Variants in MYO5B observed in about 807,000 individuals in gnomAD.
MYO5B encodes the protein unconventional myosin-Vb.
A neutral mutation model predicts 229.3 loss-of-function variants in MYO5B; 143 were observed. The observed-to-expected ratio is 0.62, with a 90% CI of 0.54 to 0.72. The LOEUF (loss-of-function observed/expected upper bound fraction) is 0.72. MYO5B is among the 30% of genes least tolerant of loss of function. The pLI, the probability that MYO5B is intolerant of heterozygous loss-of-function variation, is 0.00. For missense variants in MYO5B, 2,321 were observed against 2,331.0 expected (o/e 1.00, Z 0.09); for synonymous variants, 918 against 885.2 (o/e 1.04, Z -0.66).
At chr18:50,169,982 G>T (rs1315003218) in intron 1 of MYO5B, among the ~76,000 whole-genome samples, 1 of 127,120 alleles carries the variant, frequency 7.9e-6, no homozygotes, top group African/African-American at 3.0e-5. Flanking sequence ...TAAACTCTTT[G>T]ATTGTCGATG....
chr18:50,100,557 T>C (rs1477124787), intron 1 of MYO5B, among the ~76,000 whole-genome samples: 1 of 152,066 alleles, frequency 6.6e-6, no homozygotes, highest in East Asian at 1.9e-4. Flanking sequence ...CCCTCCCCAC[T>C]TTCTACTTCT....
chr18:50,171,921 T>G (rs1342066221), intron 1 of MYO5B, among the ~76,000 whole-genome samples: 1 of 129,810 alleles, frequency 7.7e-6, no homozygotes, highest in Non-Finnish European at 1.7e-5. Context: ...TCTGCAGCAA[T>G]GGATCTTCTT....
intron 17 of MYO5B, among the ~76,000 whole-genome samples, chr18:49,924,268 A>G (rs2025105992): frequency 6.6e-6 from 1 of 152,218 alleles, no homozygotes; most frequent in South Asian, 2.1e-4. Flanking sequence ...CCCAATAAGT[A>G]ATAAATATCT....
In MYO5B at chr18:49,832,775, T is replaced by G. The variant is rs568147738; in HGVS notation, c.5394+2569A>C. On this transcript the variant is annotated intron_variant, in intron 39 of 39. Transcript: ENST00000285039. ...ATTTTAATCATTTGAAAAAGTGGTT[T>G]GAAATAATGGGAGAGAAGTTTAAAG... Among the ~76,000 whole-genome samples, 15 of 152,302 alleles carry G rather than the reference T, an allele frequency of 9.8e-5. No homozygotes were observed. In the South Asian group the frequency reaches 1.7e-3, roughly 17 times the overall value.
chr18:50,139,464 T>C (rs1359999998), intron 1 of MYO5B, among the ~76,000 whole-genome samples: 1 of 152,352 alleles, frequency 6.6e-6, no homozygotes, highest in East Asian at 1.9e-4. Context: ...TACAAGAGTC[T>C]TGGCTTTTGA....
At chr18:49,937,508 G>A (rs1415034430) in intron 14 of MYO5B, 111 bp from the exon 15 acceptor site, 29 of 1,274,920 alleles carry the variant, frequency 2.3e-5, no homozygotes, top group Middle Eastern at 1.8e-4. Flanking sequence ...ACACATCCAC[G>A]CCAAAACCCA....
intron 1 of MYO5B, among the ~76,000 whole-genome samples, chr18:50,161,559 AC>A (rs1310071114): frequency 6.6e-6 from 1 of 152,118 alleles, no homozygotes; most frequent in Admixed American, 6.5e-5. Flanking sequence ...CACTGCTCTT[AC>A]CACATTCTCT....
intron 5 of MYO5B, among the ~76,000 whole-genome samples, chr18:49,999,729 C>A (rs1318564885): frequency 6.6e-6 from 1 of 152,158 alleles, no homozygotes; most frequent in Non-Finnish European, 1.5e-5. Flanking sequence ...GTGTGGTACC[C>A]AGACGGGCAA....
chr18:49,841,731 T>C (rs1347059151), intron 34 of MYO5B, among the ~76,000 whole-genome samples: 6 of 152,212 alleles, frequency 3.9e-5, no homozygotes, highest in Non-Finnish European at 2.9e-5. Flanking sequence ...CTGCCTTCCA[T>C]GGCTGAAGAA....
At chr18:49,947,596 G>C (rs978536913) in intron 14 of MYO5B, among the ~76,000 whole-genome samples, 1 of 152,168 alleles carries the variant, frequency 6.6e-6, no homozygotes, top group East Asian at 1.9e-4. Flanking sequence ...TGTGTTTAGA[G>C]TTATTAAGCA....
chr18:49,849,851 G>A (rs1318127978), intron 31 of MYO5B, 191 bp from the exon 32 acceptor site: 2 of 640,580 alleles, frequency 3.1e-6, no homozygotes, highest in South Asian at 3.4e-5. Flanking sequence ...TCAGGAAGTG[G>A]GAGATGATGA....
At chr18:50,049,233 T>C (rs948490906) in intron 2 of MYO5B, among the ~76,000 whole-genome samples, 1 of 152,218 alleles carries the variant, frequency 6.6e-6, no homozygotes, top group African/African-American at 2.4e-5. Flanking sequence ...TACAGATATG[T>C]CATTTTTACT....
chr18:50,074,319 T>C (rs2031027355), intron 1 of MYO5B, among the ~76,000 whole-genome samples: 1 of 152,170 alleles, frequency 6.6e-6, no homozygotes, highest in Non-Finnish European at 1.5e-5. Context: ...TTCTGGGAGA[T>C]ACAATTCAAG....
chr18:49,965,842 G>GT (rs1266155499), intron 10 of MYO5B, among the ~76,000 whole-genome samples: 10 of 152,172 alleles, frequency 6.6e-5, no homozygotes, highest in African/African-American at 2.4e-4. Context: ...CTAGAAGGAG[G>GT]TATTTGAGCT....
chr18:50,150,692 G>A (rs144315974), intron 1 of MYO5B, among the ~76,000 whole-genome samples: 28 of 152,332 alleles, frequency 1.8e-4, no homozygotes, highest in Non-Finnish European at 3.2e-4. Context: ...GTGGGATTGG[G>A]GGAGTGGGGA....
intron 16 of MYO5B, among the ~76,000 whole-genome samples, chr18:49,931,543 G>A (rs1051398009): frequency 4.6e-5 from 7 of 152,158 alleles, no homozygotes; most frequent in African/African-American, 1.2e-4. Flanking sequence ...GCCCCTTAGT[G>A]CGAGGGCCTT....
At position 50,195,088 on chromosome 18, in the gene MYO5B, C is replaced by G. The variant is rs1219221905; in HGVS notation, c.-295G>C. ...CCAGGTGTGGGGAGGAGGCGAGGGC[C>G]GGCGAGGAGGGAGGACCCGCTCGCG... is the stretch of plus-strand genomic sequence containing the variant. On this transcript the variant is annotated 5_prime_UTR_variant, in exon 1 of 40. Transcript: ENST00000285039. The G allele has an allele frequency of 3.5e-6, 1 of 283,248 alleles. No homozygotes were observed. Among genetic ancestry groups the G allele is most frequent in the Non-Finnish European group, 6.5e-6 (1 of 153,366 alleles). The allele number at this position is 283,248 out of a possible 1,614,324, so 17.5% of individuals were successfully genotyped here. A position where few individuals can be genotyped will look rare whatever the true frequency, so the allele number is the denominator to read the frequency against.
chr18:49,986,915 A>C (rs907424774), intron 7 of MYO5B, among the ~76,000 whole-genome samples: 3 of 152,114 alleles, frequency 2.0e-5, no homozygotes, highest in African/African-American at 7.2e-5. Context: ...TTGTAGAAAA[A>C]CGACAATTTA....
At chr18:49,840,213 T>C (rs772233643) in intron 35 of MYO5B, 2 of 152,232 alleles carry the variant, frequency 1.3e-5, no homozygotes, top group Non-Finnish European at 1.5e-5. Context: ...GTGTATAACA[T>C]TGGGTAAAGT....
Sources: gnomAD v4.1 joint callset for allele counts (sites outside exome capture counted in the v4.1 genomes callset) on GRCh38, gnomAD v4.1.1 for gene constraint, MANE v1.5 for transcripts, NCBI Gene and HGNC (gene_info 2026-07-23, HGNC 2026-07-21) for gene names.